The following NGEF variants were observed in gnomAD, a reference collection of about 807,000 sequenced individuals.
The protein encoded by NGEF is neuronal guanine nucleotide exchange factor.
In NGEF, 31 loss-of-function variants were observed where a neutral mutation model predicts 80.9. The observed-to-expected ratio is 0.38, with a 90% CI of 0.29 to 0.52. The LOEUF is 0.52. NGEF is among the 20% of genes least tolerant of loss of function. NGEF has a pLI of 0.84. For synonymous variants in NGEF, 371 were observed against 370.2 expected, an observed-to-expected ratio of 1.00 and a Z score of -0.03; for missense variants, 709 against 926.2, an observed-to-expected ratio of 0.77 and a Z score of 3.04.
intron 1 of NGEF, among the ~76,000 whole-genome samples, chr2:232,996,319 C>A (rs561371627): frequency 6.6e-6 from 1 of 152,072 alleles, no homozygotes; most frequent in Non-Finnish European, 1.5e-5. Flanking sequence ...CAGAGTGAGG[C>A]TTTGTCTCAA....
At chr2:232,944,782 T>C (rs1460448608) in intron 3 of NGEF, among the ~76,000 whole-genome samples, 2 of 143,908 alleles carry the variant, frequency 1.4e-5, no homozygotes, top group Admixed American at 1.4e-4. Context: ...GATGGAGTCC[T>C]GCTCTGTTGC....
At chr2:232,925,307 C>A (rs962598752) in intron 4 of NGEF, among the ~76,000 whole-genome samples, 2 of 152,204 alleles carry the variant, frequency 1.3e-5, no homozygotes, top group Non-Finnish European at 2.9e-5. Flanking sequence ...TAGCACAGAC[C>A]TCAAGTCTAT....
chr2:232,915,878 A>C (rs1192577580), intron 5 of NGEF, among the ~76,000 whole-genome samples: 2 of 152,070 alleles, frequency 1.3e-5, no homozygotes, highest in Non-Finnish European at 2.9e-5. Flanking sequence ...TTTAGTAGAG[A>C]TGGGGTTTCA....
rs148629442 is a variant in NGEF at position 232,890,973 on chromosome 2, C to T, written c.1272+385G>A. 120 of 474,898 alleles carry T rather than the reference C, an allele frequency of 2.5e-4. 1 individual carries two copies. In the East Asian group the frequency reaches 7.4e-3, roughly 29 times the overall value. 29.4% of individuals were successfully genotyped at this position (474,898 alleles called of 1,614,324 possible). A position where few individuals can be genotyped will look rare whatever the true frequency, so the allele number is the denominator to read the frequency against. On this transcript the variant is annotated intron_variant, in intron 8 of 14. Transcript: ENST00000264051. Reference sequence around the variant, plus strand: ...GCCTTTGCACAAGCGGTTCCCTCTGCGTGGAATGTTCTTTCCTCTACCTGC... The same window carrying T: ...GCCTTTGCACAAGCGGTTCCCTCTGTGTGGAATGTTCTTTCCTCTACCTGC...
At chr2:232,927,948 T>C (rs1382343260) in intron 3 of NGEF, 3 of 1,316,476 alleles carry the variant, frequency 2.3e-6, no homozygotes, top group Non-Finnish European at 2.9e-6. Flanking sequence ...GAGGTGGAAC[T>C]GTCGTGGTCC....
chr2:232,989,724 G>A (rs1020111124), intron 1 of NGEF, among the ~76,000 whole-genome samples: 5 of 152,162 alleles, frequency 3.3e-5, no homozygotes, highest in African/African-American at 4.8e-5. Flanking sequence ...AAAAACTGTG[G>A]TTTCCCAAAG....
rs913330221 is a variant in NGEF, at chr2:232,983,575, G to C, written c.-74-8611C>G. Among the ~76,000 whole-genome samples the C allele has an allele frequency of 6.6e-5, 10 of 152,130 alleles. 1 individual carries two copies. The highest frequency in any genetic ancestry group is 4.4e-5 in the Non-Finnish European group (3 of 68,016). ...GCTCAAGAAGGAGAAAAGTAAGGAT[G>C]GCCCCTGGCTTTCCTTAAGGCTGCA... On this transcript the variant is annotated intron_variant, in intron 1 of 14. Coordinates refer to ENST00000264051, the MANE Select transcript of NGEF (RefSeq NM_019850.3).
At chr2:233,012,461 C>T (rs756073328) in intron 1 of NGEF, among the ~76,000 whole-genome samples, 4 of 152,182 alleles carry the variant, frequency 2.6e-5, no homozygotes, top group African/African-American at 4.8e-5. Context: ...GGCCCCTGAG[C>T]GGAGGGGGCA....
At chr2:232,984,217 G>A (rs946219321) in intron 1 of NGEF, among the ~76,000 whole-genome samples, 1 of 151,602 alleles carries the variant, frequency 6.6e-6, no homozygotes, top group Non-Finnish European at 1.5e-5. Flanking sequence ...CCCCAGTAGC[G>A]AGGACTACAG....
In NGEF at chr2:232,884,109, C is replaced by G. The variant is rs1375556564; in HGVS notation, c.1473G>C (p.Leu491=). The change falls in exon 11 of 15, where the codon CTG becomes CTC. Residue 491 remains leucine, a synonymous_variant. Coordinates refer to ENST00000264051, the MANE Select transcript of NGEF (RefSeq NM_019850.3). ...ACATCTGCTGCAGCTCACCCTGCTT[C>G]AGCAGCCAGCGGGAGTGGGAGATGA... The part of the protein sequence containing the change: ...VPIISHSRWL[L]KQGELQQMSG... The G allele has an allele frequency of 6.2e-7, 1 of 1,609,010 alleles. No individual in the cohort carries two copies. The highest frequency in any genetic ancestry group is 1.7e-5 in the Admixed American group (1 of 59,678).
intron 4 of NGEF, among the ~76,000 whole-genome samples, chr2:232,925,247 T>C (rs1693035317): frequency 6.6e-6 from 1 of 152,208 alleles, no homozygotes; most frequent in African/African-American, 2.4e-5. Flanking sequence ...TGGCAAAGAA[T>C]TGCTGAACTC....
chr2:232,883,082 C>CGT (rs139306005), intron 12 of NGEF, among the ~76,000 whole-genome samples: 3,275 of 149,438 alleles, frequency 0.022, 124 homozygotes, highest in African/African-American at 0.078. Flanking sequence ...CACACACACA[C>CGT]GCACACACGC....
In NGEF at chr2:232,968,093, C is replaced by CTTTTTTTTTTTTTT. The variant is rs1274944227; in HGVS notation, c.383+2120_383+2121insAAAAAAAAAAAAAA. 4.8e-4 allele frequency among the ~76,000 whole-genome samples: 60 copies of CTTTTTTTTTTTTTT among 125,760 alleles called. 4 individuals are homozygous for CTTTTTTTTTTTTTT. Among genetic ancestry groups the CTTTTTTTTTTTTTT allele is most frequent in the East Asian group, 4.7e-3 (21 of 4,450 alleles). The allele number at this position is 125,760 out of a possible 152,430, so 82.5% of individuals were successfully genotyped here. A position where few individuals can be genotyped will look rare whatever the true frequency, so the allele number is the denominator to read the frequency against. On this transcript the variant is annotated intron_variant, in intron 3 of 14. Transcript: ENST00000264051. ...TTGCTGAGGGCAGAAACAGACCTGG[C>CTTTTTTTTTTTTTT]TTTTTTTTTTTTGAGACAAAGTTTC...
chr2:232,980,651 A>G (rs1694393905), intron 1 of NGEF, among the ~76,000 whole-genome samples: 1 of 152,014 alleles, frequency 6.6e-6, no homozygotes, highest in Admixed American at 6.6e-5. Flanking sequence ...GGTGCCTATC[A>G]CCGTGCCTGG....
chr2:232,924,335 T>A (rs1030586315), intron 4 of NGEF, among the ~76,000 whole-genome samples: 1 of 152,194 alleles, frequency 6.6e-6, no homozygotes, highest in Non-Finnish European at 1.5e-5. Flanking sequence ...ATGCACCATC[T>A]TTGAAGCAGA....
chr2:232,965,029 T>C (rs1044244240), intron 3 of NGEF, among the ~76,000 whole-genome samples: 1 of 152,258 alleles, frequency 6.6e-6, no homozygotes, highest in African/African-American at 2.4e-5. Flanking sequence ...TATTGTAATG[T>C]AAGATGACCT....
chr2:232,882,133 C>T (rs545234995), intron 13 of NGEF, 53 bp downstream of exon 13: 122 of 1,543,570 alleles, frequency 7.9e-5, no homozygotes, highest in African/African-American at 1.2e-4. Flanking sequence ...CTGCGGCATC[C>T]GGCAGGGCCA....
At chr2:232,959,002 A>G (rs1693890390) in intron 3 of NGEF, among the ~76,000 whole-genome samples, 1 of 152,188 alleles carries the variant, frequency 6.6e-6, no homozygotes, top group Non-Finnish European at 1.5e-5. Flanking sequence ...AAATAACTAC[A>G]ATACCATTAG....
At chr2:232,966,639 C>G (rs1388666568) in intron 3 of NGEF, among the ~76,000 whole-genome samples, 1 of 152,066 alleles carries the variant, frequency 6.6e-6, no homozygotes, top group South Asian at 2.1e-4. Flanking sequence ...AACCCAGTAG[C>G]CAGCCCCGTC....
Sources: allele counts gnomAD v4.1 joint callset (sites outside exome capture counted in the v4.1 genomes callset), GRCh38; gene constraint gnomAD v4.1.1; transcripts MANE v1.5; gene names NCBI Gene and HGNC (gene_info 2026-07-23, HGNC 2026-07-21).